Variants in SLCO1A2 observed in about 807,000 individuals in gnomAD.
SLCO1A2 encodes OATP-1.
In SLCO1A2, 67 loss-of-function variants were observed where a neutral mutation model predicts 69.0. The ratio of observed to expected loss-of-function variants is 0.97; its 90% CI spans 0.80 to 1.19. The LOEUF (loss-of-function observed/expected upper bound fraction) is 1.19. SLCO1A2 is among the 50% of genes most tolerant of loss of function. SLCO1A2 has a pLI of 0.00. For synonymous variants in SLCO1A2, 260 were observed against 265.9 expected (o/e 0.98, Z 0.22); for missense variants, 787 against 793.7 (o/e 0.99, Z 0.10).
intron 2 of SLCO1A2, among the ~76,000 whole-genome samples, chr12:21,345,514 T>C (rs1953224293): frequency 6.6e-6 from 1 of 152,124 alleles, no homozygotes; most frequent in Non-Finnish European, 1.5e-5. Flanking sequence ...TCCTAAAAAA[T>C]CAAATCATTA....
chr12:21,394,553 ACG>A (rs1366128274), intron 1 of SLCO1A2, among the ~76,000 whole-genome samples: 1 of 92,884 alleles, frequency 1.1e-5, no homozygotes, highest in African/African-American at 3.7e-5. Context: ...AAAATAACAC[ACG>A]CACACACACA....
At chr12:21,322,677 T>C (rs1435701403) in intron 2 of SLCO1A2, among the ~76,000 whole-genome samples, 1 of 151,692 alleles carries the variant, frequency 6.6e-6, no homozygotes, top group Non-Finnish European at 1.5e-5. Flanking sequence ...AGACTTAAAG[T>C]CTGTGTTGAT....
intron 2 of SLCO1A2, among the ~76,000 whole-genome samples, chr12:21,343,696 G>A (rs1953152226): frequency 6.6e-6 from 1 of 152,040 alleles, no homozygotes; most frequent in South Asian, 2.1e-4. Flanking sequence ...AGAACATTCT[G>A]ATTAAGGGAT....
At position 21,299,357 on chromosome 12, in the gene SLCO1A2, T is replaced by C. The variant is rs530354601; in HGVS notation, c.910+991A>G. On this transcript the variant is annotated intron_variant, in intron 8 of 14. Coordinates refer to ENST00000683939, the MANE Select transcript of SLCO1A2 (RefSeq NM_001386879.1). ...CTGTAAATTATACTTTGAGCTTTTATTGAGGTTCTGTACCAAAAAAAATGT... is the reference window on the plus strand; with the variant it reads ...CTGTAAATTATACTTTGAGCTTTTACTGAGGTTCTGTACCAAAAAAAATGT... 1.3e-4 allele frequency among the ~76,000 whole-genome samples: 19 copies of C among 150,480 alleles called. No homozygotes were observed. The South Asian group carries it at 2.9e-3, about 23-fold the overall frequency.
Position 21,282,394 on chromosome 12 carries a change from T to TA in SLCO1A2, c.1611-6971dup, listed in dbSNP as rs35461166. Among the ~76,000 whole-genome samples, 1,424 of 146,018 alleles carry TA rather than the reference T, an allele frequency of 9.8e-3. 13 individuals are homozygous for TA. The highest frequency in any genetic ancestry group is 0.031 in the East Asian group (157 of 4,994). On this transcript the variant is annotated intron_variant, in intron 12 of 14. Transcript: ENST00000683939. ...GATAAGATTCAGCATCGCTTTATGG[T>TA]AAAAAAAAAAACTCTCAAAAAACTG...
intron 3 of SLCO1A2, among the ~76,000 whole-genome samples, chr12:21,317,525 AACTT>A (rs879454007): frequency 2.6e-5 from 4 of 152,044 alleles, no homozygotes; most frequent in Non-Finnish European, 5.9e-5. Context: ...TATGCTACCA[AACTT>A]ACTTCATTCA....
intron 2 of SLCO1A2, among the ~76,000 whole-genome samples, chr12:21,344,760 C>T (rs1164273212): frequency 2.0e-5 from 3 of 151,960 alleles, no homozygotes; most frequent in Admixed American, 2.0e-4. Context: ...TTTGATTCAT[C>T]AAGTTACAGA....
At chr12:21,310,465 T>G (rs1215006913) in intron 4 of SLCO1A2, among the ~76,000 whole-genome samples, 2 of 152,266 alleles carry the variant, frequency 1.3e-5, no homozygotes, top group Non-Finnish European at 2.9e-5. Context: ...TGATGGCTGC[T>G]GGCTGATCAG....
At chr12:21,377,549 T>C (rs369295043) in intron 1 of SLCO1A2, among the ~76,000 whole-genome samples, 1 of 152,184 alleles carries the variant, frequency 6.6e-6, no homozygotes, top group East Asian at 1.9e-4. Context: ...ACCCAATGGT[T>C]AGTAACTCCC....
chr12:21,309,740 C>T (rs1386281556), intron 4 of SLCO1A2, among the ~76,000 whole-genome samples: 1 of 152,000 alleles, frequency 6.6e-6, no homozygotes, highest in African/African-American at 2.4e-5. Flanking sequence ...GACATGACAT[C>T]CCAGAAAATG....
At chr12:21,295,490 A>G in intron 10 of SLCO1A2, 107 bp downstream of exon 10, 2 of 719,532 alleles carry the variant, frequency 2.8e-6, no homozygotes, top group East Asian at 2.5e-5. Context: ...ATGGATTACT[A>G]TCATTAACTC....
At chr12:21,329,176 C>A (rs1202586122) in intron 2 of SLCO1A2, among the ~76,000 whole-genome samples, 1 of 152,184 alleles carries the variant, frequency 6.6e-6, no homozygotes, top group African/African-American at 2.4e-5. Flanking sequence ...AGGATTCTTT[C>A]CTTAAAGTAG....
At chr12:21,306,338 T>C (rs1241247771) in intron 5 of SLCO1A2, among the ~76,000 whole-genome samples, 1 of 152,138 alleles carries the variant, frequency 6.6e-6, no homozygotes, top group Non-Finnish European at 1.5e-5. Context: ...GACTCTTTTT[T>C]TTTTTGAGAC....
intron 2 of SLCO1A2, among the ~76,000 whole-genome samples, chr12:21,358,071 G>A (rs928635224): frequency 3.3e-5 from 5 of 152,088 alleles, no homozygotes; most frequent in Non-Finnish European, 7.4e-5. Flanking sequence ...CACATGTTTT[G>A]AATCTGGTAA....
intron 1 of SLCO1A2, among the ~76,000 whole-genome samples, chr12:21,406,306 T>C (rs1941823492): frequency 6.6e-6 from 1 of 151,702 alleles, no homozygotes. Context: ...CAGTTGCTGA[T>C]GATGAGACTT....
chr12:21,380,391 G>T (rs1591902340), intron 1 of SLCO1A2, among the ~76,000 whole-genome samples: 1 of 152,092 alleles, frequency 6.6e-6, no homozygotes, highest in African/African-American at 2.4e-5. Flanking sequence ...ACAACCTCTG[G>T]TGCTAGAGAT....
intron 2 of SLCO1A2, among the ~76,000 whole-genome samples, chr12:21,343,915 G>A (rs1479222065): frequency 1.3e-5 from 2 of 152,044 alleles, no homozygotes. Context: ...CTACCCTCAA[G>A]ACCAGTTGTT....
chr12:21,297,339 C>A, intron 9 of SLCO1A2, 65 bp downstream of exon 9: 1 of 1,240,766 alleles, frequency 8.1e-7, no homozygotes, highest in South Asian at 2.2e-5. Flanking sequence ...GAGTTTGCTA[C>A]ACCCGCCATC....
At chr12:21,347,027 G>T (rs1159547098) in intron 2 of SLCO1A2, among the ~76,000 whole-genome samples, 1 of 150,236 alleles carries the variant, frequency 6.7e-6, no homozygotes, top group Non-Finnish European at 1.5e-5. Flanking sequence ...GCATTGTTTT[G>T]TAAGATGAAG....
Sources: gnomAD v4.1 joint callset for allele counts (sites outside exome capture counted in the v4.1 genomes callset) on GRCh38, gnomAD v4.1.1 for gene constraint, MANE v1.5 for transcripts, NCBI Gene and HGNC (gene_info 2026-07-23, HGNC 2026-07-21) for gene names.